EPHB2: variants seen among roughly 807,000 people sequenced by gnomAD.
EPHB2 encodes the protein ephrin type-B receptor 2.
A neutral mutation model predicts 96.4 loss-of-function variants in EPHB2; 18 were observed. That is an observed-to-expected ratio of 0.19 (90% CI 0.13 to 0.28). EPHB2 has a LOEUF of 0.28. Ranked by LOEUF, EPHB2 falls within the 10% of genes least tolerant of loss-of-function variation. The pLI is 1.00. For missense variants in EPHB2, 989 were observed against 1,355.4 expected, an observed-to-expected ratio of 0.73 and a Z score of 4.25; for synonymous variants, 506 against 534.1, an observed-to-expected ratio of 0.95 and a Z score of 0.72.
chr1:22,818,494 A>G (rs1021666203), intron 3 of EPHB2, among the ~76,000 whole-genome samples: 1 of 152,066 alleles, frequency 6.6e-6, no homozygotes, highest in Non-Finnish European at 1.5e-5. Context: ...CATCTTTCTA[A>G]AATGGAAATC....
intron 3 of EPHB2, chr1:22,800,308 G>A (rs1364181038): frequency 6.6e-6 from 1 of 152,266 alleles, no homozygotes; most frequent in Non-Finnish European, 1.5e-5. Context: ...ACATTTCAGG[G>A]GCGGGCTGCG....
At chr1:22,721,748 T>C (rs1029986434) in intron 1 of EPHB2, among the ~76,000 whole-genome samples, 4 of 151,848 alleles carry the variant, frequency 2.6e-5, no homozygotes, top group African/African-American at 4.8e-5. Flanking sequence ...CCCAAGTAGC[T>C]GGATCCATAG....
At chr1:22,758,978 G>GGATA (rs1471993076) in intron 1 of EPHB2, among the ~76,000 whole-genome samples, 6 of 151,798 alleles carry the variant, frequency 4.0e-5, no homozygotes, top group Admixed American at 3.9e-4. Flanking sequence ...ATGGATGGAT[G>GGATA]GATAGATGGA....
intron 3 of EPHB2, among the ~76,000 whole-genome samples, chr1:22,805,649 G>A (rs752245071): frequency 2.3e-4 from 35 of 152,336 alleles, no homozygotes; most frequent in Admixed American, 3.9e-4. Flanking sequence ...CAAGGAGCGG[G>A]TGGGGGTGCA....
chr1:22,820,093 A>G (rs1256184459), intron 3 of EPHB2, among the ~76,000 whole-genome samples: 1 of 152,174 alleles, frequency 6.6e-6, no homozygotes, highest in East Asian at 1.9e-4. Flanking sequence ...GTTGAGATAT[A>G]TCTCACCATC....
chr1:22,787,613 C>G (rs1214906612), intron 3 of EPHB2, among the ~76,000 whole-genome samples: 1 of 152,006 alleles, frequency 6.6e-6, no homozygotes, highest in Non-Finnish European at 1.5e-5. Context: ...AAAAATTAGC[C>G]AGGTGTGGTG....
At chr1:22,892,647 G>A (rs1162206804) in intron 6 of EPHB2, among the ~76,000 whole-genome samples, 5 of 152,178 alleles carry the variant, frequency 3.3e-5, no homozygotes, top group African/African-American at 1.2e-4. Flanking sequence ...CACAAGTCAT[G>A]TGGACAAATT....
intron 5 of EPHB2, among the ~76,000 whole-genome samples, chr1:22,874,257 C>T (rs1638768015): frequency 6.6e-6 from 1 of 152,200 alleles, no homozygotes; most frequent in Non-Finnish European, 1.5e-5. Context: ...TTTAACCTTC[C>T]TTGCCCATTC....
intron 3 of EPHB2, among the ~76,000 whole-genome samples, chr1:22,805,678 G>C (rs1644914875): frequency 6.6e-6 from 1 of 152,180 alleles, no homozygotes; most frequent in Admixed American, 6.5e-5. Flanking sequence ...GATTCTTTTG[G>C]GTGGGAATGG....
intron 5 of EPHB2, among the ~76,000 whole-genome samples, chr1:22,872,016 AAAG>A (rs1229383663): frequency 3.4e-5 from 1 of 29,148 alleles, no homozygotes; most frequent in Non-Finnish European, 3.5e-4. Flanking sequence ...ACTCCATCTC[AAAG>A]AAAAAAAAAA....
chr1:22,864,354 G>A (rs1022096558), intron 4 of EPHB2, among the ~76,000 whole-genome samples: 1 of 152,080 alleles, frequency 6.6e-6, no homozygotes, highest in South Asian at 2.1e-4. Flanking sequence ...TGTTCTTAAC[G>A]TCACTTCATA....
At chr1:22,711,697 C>T (rs1403533978) in intron 1 of EPHB2, among the ~76,000 whole-genome samples, 5 of 151,942 alleles carry the variant, frequency 3.3e-5, no homozygotes, top group Non-Finnish European at 7.4e-5. Flanking sequence ...CGCGCAAGGT[C>T]TCCGGGCACC....
At position 22,858,288 on chromosome 1, in the gene EPHB2, C is replaced by T. The variant is rs921208073; in HGVS notation, c.812-4749C>T. 6.6e-6 allele frequency among the ~76,000 whole-genome samples: 1 copy of T among 152,108 alleles called. No individual in the cohort carries two copies. The highest frequency in any genetic ancestry group is 1.9e-4 in the East Asian group (1 of 5,192). On this transcript the variant is annotated intron_variant, in intron 3 of 15. Transcript: ENST00000374630. The surrounding 1 kb of genome is among the most constrained non-coding windows in gnomAD (Gnocchi z 7.7). ...CAACCTCACAGGCCTTGTAGCCAGG[C>T]TAGGCATGTGGGTCTATTCTAAGTG...
chr1:22,856,949 G>A (rs971285133), intron 3 of EPHB2, among the ~76,000 whole-genome samples: 1 of 152,156 alleles, frequency 6.6e-6, no homozygotes, highest in East Asian at 1.9e-4. Flanking sequence ...TCCAACCAGG[G>A]AGATAGACCT....
intron 3 of EPHB2, among the ~76,000 whole-genome samples, chr1:22,800,538 G>A (rs1156730724): frequency 4.6e-5 from 7 of 152,184 alleles, no homozygotes; most frequent in Non-Finnish European, 8.8e-5. Context: ...TGTTGAGTAC[G>A]CTCACTGGGT....
At chr1:22,908,316 C>T (rs1428692056) in intron 12 of EPHB2, 148 bp downstream of exon 12, 1 of 990,132 alleles carries the variant, frequency 1.0e-6, no homozygotes. Flanking sequence ...AACCACAGCT[C>T]CTGCCCTCTT....
chr1:22,820,398 C>A (rs1001525399), intron 3 of EPHB2, among the ~76,000 whole-genome samples: 1 of 152,090 alleles, frequency 6.6e-6, no homozygotes, highest in East Asian at 2.0e-4. Context: ...CGGTGGCTCA[C>A]GCCTGTAATC....
chr1:22,901,820 AGT>A lies in EPHB2; in HGVS notation c.1766-4142_1766-4141del, dbSNP rs57503593. Among the ~76,000 whole-genome samples, 724 of 148,478 alleles carry A rather than the reference AGT, an allele frequency of 4.9e-3. 6 individuals carry two copies. The highest frequency in any genetic ancestry group is 0.014 in the Middle Eastern group (4 of 288). Reference sequence around the variant, plus strand: ...ATTTAACTTCGTGTGTGTGTGTGTGAGTGTGTGTGTGTGTGTGTGTGTGTGTA... The same window carrying A: ...ATTTAACTTCGTGTGTGTGTGTGTGAGTGTGTGTGTGTGTGTGTGTGTGTA... On this transcript the variant is annotated intron_variant, in intron 9 of 15. Transcript: ENST00000374630.
At chr1:22,890,995 C>A in intron 6 of EPHB2, 1 of 438,430 alleles carries the variant, frequency 2.3e-6, no homozygotes, top group Admixed American at 2.4e-5. Context: ...ACTAATGCAG[C>A]CCCCGTCCCA....
Sources: gnomAD v4.1 joint callset for allele counts (sites outside exome capture counted in the v4.1 genomes callset) on GRCh38, gnomAD v4.1.1 for gene constraint, Gnocchi (gnomAD v3.1) non-coding constraint, MANE v1.5 for transcripts, NCBI Gene and HGNC (gene_info 2026-07-23, HGNC 2026-07-21) for gene names.